ARHGAP6: variants seen among roughly 807,000 people sequenced by gnomAD.
The protein encoded by ARHGAP6 is rho GTPase-activating protein 6.
In ARHGAP6, 16 loss-of-function variants were observed where a neutral mutation model predicts 55.7. That is an observed-to-expected ratio of 0.29 (90% CI 0.19 to 0.44). ARHGAP6 has a LOEUF of 0.44. Ranked by LOEUF, ARHGAP6 falls within the 20% of genes least tolerant of loss-of-function variation. ARHGAP6 has a pLI of 1.00. For missense variants in ARHGAP6, 698 were observed against 808.9 expected, an observed-to-expected ratio of 0.86 and a Z score of 1.66; for synonymous variants, 382 against 360.9, an observed-to-expected ratio of 1.06 and a Z score of -0.66.
intron 8 of ARHGAP6, among the ~76,000 whole-genome samples, chrX:11,174,695 T>C (rs867646287): frequency 1.0e-5 from 1 of 96,297 alleles, no homozygotes; most frequent in Admixed American, 1.2e-4. Context: ...TTCATTCATT[T>C]ATTTATTTTT....
At chrX:11,425,041 C>A (rs1024858411) in intron 1 of ARHGAP6, among the ~76,000 whole-genome samples, 1 of 112,133 alleles carries the variant, frequency 8.9e-6, no homozygotes, top group African/African-American at 3.2e-5. Context: ...ACCTGGAACA[C>A]AACAGGCATT....
Position 11,138,841 on chromosome X carries a change from G to A in ARHGAP6, c.*22C>T, listed in dbSNP as rs774082332. ...TGGAGGGCGGGGGGCTCGGGGCAGGGGGGGCTCGGCTGGGTGCGGGCTCAG... is the reference window on the plus strand; with the variant it reads ...TGGAGGGCGGGGGGCTCGGGGCAGGAGGGGCTCGGCTGGGTGCGGGCTCAG... On this transcript the variant is annotated 3_prime_UTR_variant, in exon 13 of 13. Coordinates refer to ENST00000337414, the MANE Select transcript of ARHGAP6 (RefSeq NM_013427.3). 2 of 1,165,094 alleles carry A rather than the reference G, an allele frequency of 1.7e-6. No homozygotes were observed. The highest frequency in any genetic ancestry group is 3.6e-5 in the African/African-American group (2 of 56,286).
chrX:11,656,965 T>A (rs763813657), intron 1 of ARHGAP6, among the ~76,000 whole-genome samples: 1 of 112,193 alleles, frequency 8.9e-6, no homozygotes, highest in Non-Finnish European at 1.9e-5. Flanking sequence ...TGGAAGCACC[T>A]TGCAGAGCCA....
chrX:11,321,604 T>A (rs1417132866), intron 1 of ARHGAP6, among the ~76,000 whole-genome samples: 2 of 111,800 alleles, frequency 1.8e-5, no homozygotes, highest in Non-Finnish European at 3.8e-5. Context: ...AATGTTATCC[T>A]ATTAAAAATA....
At chrX:11,311,826 C>T (rs1272161034) in intron 1 of ARHGAP6, among the ~76,000 whole-genome samples, 5 of 111,040 alleles carry the variant, frequency 4.5e-5, no homozygotes, top group African/African-American at 6.6e-5. Flanking sequence ...CTCAGGCACA[C>T]GCTATGTTAC....
chrX:11,176,506 A>T (rs2046227620), intron 8 of ARHGAP6, among the ~76,000 whole-genome samples: 1 of 104,866 alleles, frequency 9.5e-6, no homozygotes, highest in Non-Finnish European at 2.0e-5. Flanking sequence ...GAATGTCTGA[A>T]AATGATTCTA....
chrX:11,647,175 T>C (rs2052538395), intron 1 of ARHGAP6, among the ~76,000 whole-genome samples: 1 of 112,377 alleles, frequency 8.9e-6, no homozygotes, highest in South Asian at 3.7e-4. Flanking sequence ...GTATTTATTA[T>C]AAAACAATCC....
At chrX:11,256,207 T>A (rs2047492197) in intron 1 of ARHGAP6, among the ~76,000 whole-genome samples, 1 of 111,803 alleles carries the variant, frequency 8.9e-6, no homozygotes, top group Non-Finnish European at 1.9e-5. Context: ...CTGGCCAACA[T>A]GGCAAAAGCC....
chrX:11,599,581 C>T (rs1026524609), intron 1 of ARHGAP6, among the ~76,000 whole-genome samples: 1 of 111,773 alleles, frequency 8.9e-6, no homozygotes, highest in African/African-American at 3.3e-5. Flanking sequence ...AATAGTCGAA[C>T]TCACAGAAGC....
chrX:11,347,092 C>G (rs965294342), intron 1 of ARHGAP6, among the ~76,000 whole-genome samples: 1 of 112,101 alleles, frequency 8.9e-6, no homozygotes, highest in African/African-American at 3.2e-5. Context: ...ACTTATATAC[C>G]TATTTGCAGT....
Position 11,140,966 on chromosome X carries a change from A to G in ARHGAP6, c.2257+1267T>C, listed in dbSNP as rs776484290. 6.3e-5 allele frequency among the ~76,000 whole-genome samples: 7 copies of G among 111,689 alleles called. No homozygotes were observed. The East Asian group carries it at 2.0e-3, about 31-fold the overall frequency. On this transcript the variant is annotated intron_variant, in intron 12 of 12. Coordinates refer to ENST00000337414, the MANE Select transcript of ARHGAP6 (RefSeq NM_013427.3). ...GGAGTGGGGGATGTGAGTATTTACA[A>G]AGAAACAAATGATAGCTGAAACAGG...
chrX:11,222,179 GT>G, intron 2 of ARHGAP6, among the ~76,000 whole-genome samples: 1 of 112,169 alleles, frequency 8.9e-6, no homozygotes. Context: ...ATATTGCCAT[GT>G]GAAATATTAG....
chrX:11,346,403 A>G (rs2048784770), intron 1 of ARHGAP6, among the ~76,000 whole-genome samples: 1 of 111,778 alleles, frequency 8.9e-6, no homozygotes, highest in Admixed American at 9.5e-5. Flanking sequence ...ATTACAGAAA[A>G]GTTCCCTAAC....
chrX:11,567,580 T>TATATATATATATATATATATATATA (rs2051459921), intron 1 of ARHGAP6, among the ~76,000 whole-genome samples: 1 of 100,388 alleles, frequency 1.0e-5, no homozygotes, highest in African/African-American at 3.7e-5. Flanking sequence ...TATATATATA[T>TATATATATATATATATATATATATA]TTGCCTCAGA....
At chrX:11,150,940 A>T (rs1315017500) in intron 10 of ARHGAP6, among the ~76,000 whole-genome samples, 4 of 112,268 alleles carry the variant, frequency 3.6e-5, no homozygotes, top group African/African-American at 1.3e-4. Context: ...TTGGATTTTT[A>T]AAAAATATTA....
chrX:11,388,671 G>C (rs952263036), intron 1 of ARHGAP6, among the ~76,000 whole-genome samples: 21 of 110,738 alleles, frequency 1.9e-4, no homozygotes, highest in Non-Finnish European at 1.9e-5. Context: ...TTTCTTCTAG[G>C]GTTTTTATGG....
At chrX:11,153,109 G>A (rs868219514) in intron 10 of ARHGAP6, among the ~76,000 whole-genome samples, 10 of 111,557 alleles carry the variant, frequency 9.0e-5, no homozygotes, top group Non-Finnish European at 1.1e-4. Flanking sequence ...GTGGATCATG[G>A]ACCAGTAGTA....
At chrX:11,171,538 C>CA (rs1023668394) in intron 8 of ARHGAP6, among the ~76,000 whole-genome samples, 5 of 112,156 alleles carry the variant, frequency 4.5e-5, no homozygotes, top group African/African-American at 1.6e-4. Context: ...AGCAATGGTA[C>CA]AAAAAATATC....
At chrX:11,482,485 T>C (rs2050466952) in intron 1 of ARHGAP6, among the ~76,000 whole-genome samples, 1 of 111,424 alleles carries the variant, frequency 9.0e-6, no homozygotes, top group Non-Finnish European at 1.9e-5. Context: ...TCCTGAGATG[T>C]TGACCTCTCA....
Sources: allele counts gnomAD v4.1 joint callset (sites outside exome capture counted in the v4.1 genomes callset), GRCh38; gene constraint gnomAD v4.1.1; transcripts MANE v1.5; gene names NCBI Gene and HGNC (gene_info 2026-07-23, HGNC 2026-07-21).